The following RASAL2 variants were observed in gnomAD, a reference collection of about 807,000 sequenced individuals.
RASAL2 encodes the protein ras GTPase-activating protein nGAP.
In RASAL2, 58 loss-of-function variants were observed where a neutral mutation model predicts 128.9. The observed-to-expected ratio is 0.45, with a 90% CI of 0.36 to 0.56. The LOEUF (loss-of-function observed/expected upper bound fraction) is 0.56. RASAL2 is among the 20% of genes least tolerant of loss of function. The pLI, the probability that RASAL2 is intolerant of heterozygous loss-of-function variation, is 0.00. For synonymous variants in RASAL2, 561 were observed against 580.8 expected (o/e 0.97, Z 0.49); for missense variants, 1,360 against 1,601.6 (o/e 0.85, Z 2.57).
chr1:178,350,775 C>G (rs1185303664), intron 3 of RASAL2, among the ~76,000 whole-genome samples: 1 of 152,162 alleles, frequency 6.6e-6, no homozygotes, highest in Admixed American at 6.5e-5. Context: ...TGTCCCATTT[C>G]CATGGCCCCC....
chr1:178,344,989 T>G (rs912176151), intron 3 of RASAL2, among the ~76,000 whole-genome samples: 2 of 152,214 alleles, frequency 1.3e-5, no homozygotes, highest in Non-Finnish European at 2.9e-5. Context: ...TCAGAATACT[T>G]TCTTTGTACA....
intron 1 of RASAL2, among the ~76,000 whole-genome samples, chr1:178,234,078 T>C (rs1012763007): frequency 6.6e-6 from 1 of 152,192 alleles, no homozygotes; most frequent in Non-Finnish European, 1.5e-5. Context: ...TAGCAAGAAG[T>C]GAATGGATTT....
intron 1 of RASAL2, among the ~76,000 whole-genome samples, chr1:178,237,840 C>T (rs947367301): frequency 2.6e-5 from 4 of 152,118 alleles, no homozygotes; most frequent in African/African-American, 9.7e-5. Flanking sequence ...ATTTTATCTT[C>T]ACATACTGAA....
intron 1 of RASAL2, among the ~76,000 whole-genome samples, chr1:178,263,602 G>A (rs528872839): frequency 3.3e-5 from 5 of 152,178 alleles, no homozygotes; most frequent in Admixed American, 2.6e-4. Context: ...TCTTTCTGGT[G>A]TGTTAACTTA....
chr1:178,463,667 T>C (rs1439419057), intron 14 of RASAL2, among the ~76,000 whole-genome samples: 1 of 152,192 alleles, frequency 6.6e-6, no homozygotes, highest in African/African-American at 2.4e-5. Flanking sequence ...TGTCCTTCTT[T>C]TTCTCTAAAT....
rs545933139 is a variant in RASAL2, at chr1:178,161,161, C to T, written c.202+66467C>T. On this transcript the variant is annotated intron_variant, in intron 1 of 17. Coordinates refer to ENST00000367649, the MANE Select transcript of RASAL2 (RefSeq NM_170692.4). ...ATACAGTACTTTTTTTCTTTTAAAA[C>T]GTACAATTAAGTAGTTTTTAGTACT... 4.6e-5 allele frequency among the ~76,000 whole-genome samples: 7 copies of T among 151,080 alleles called. No homozygotes were observed. In the South Asian group the frequency reaches 8.3e-4, roughly 18 times the overall value.
At chr1:178,205,775 T>C (rs529935695) in intron 1 of RASAL2, among the ~76,000 whole-genome samples, 2 of 152,170 alleles carry the variant, frequency 1.3e-5, no homozygotes, top group African/African-American at 2.4e-5. Flanking sequence ...AAAAGACTCA[T>C]GTTCACACCT....
intron 4 of RASAL2, among the ~76,000 whole-genome samples, chr1:178,414,241 T>C (rs920985539): frequency 6.6e-6 from 1 of 152,186 alleles, no homozygotes; most frequent in African/African-American, 2.4e-5. Flanking sequence ...TGTATGACAT[T>C]CTAGAAAAGG....
rs920848922 is a variant in RASAL2 at position 178,415,012 on chromosome 1, A to G, written c.565-5499A>G. Among the ~76,000 whole-genome samples, 14 of 152,194 alleles carry G rather than the reference A, an allele frequency of 9.2e-5. No homozygotes were observed. The East Asian group carries it at 1.7e-3, about 19-fold the overall frequency. On this transcript the variant is annotated intron_variant, in intron 4 of 17. Coordinates refer to ENST00000367649, the MANE Select transcript of RASAL2 (RefSeq NM_170692.4). ...AGACTTACAAATTTTATTGATCTTC[A>G]TAAGGAACCAGCTTTTGATTTTATT... is the stretch of plus-strand genomic sequence containing the variant.
intron 1 of RASAL2, among the ~76,000 whole-genome samples, chr1:178,132,375 T>A (rs1040678304): frequency 6.6e-6 from 1 of 151,886 alleles, no homozygotes; most frequent in Admixed American, 6.6e-5. Flanking sequence ...CTTAAAAAAA[T>A]AATTTACTAC....
intron 1 of RASAL2, among the ~76,000 whole-genome samples, chr1:178,179,148 G>T (rs925714627): frequency 6.6e-6 from 1 of 152,082 alleles, no homozygotes; most frequent in Non-Finnish European, 1.5e-5. Context: ...TAGTTCTTTG[G>T]GGTAAAAGTT....
chr1:178,249,600 A>G (rs139572992), intron 1 of RASAL2, among the ~76,000 whole-genome samples: 70 of 152,104 alleles, frequency 4.6e-4, no homozygotes, highest in African/African-American at 1.7e-3. Flanking sequence ...AGGAGTTGTG[A>G]TCATTTGGAG....
chr1:178,384,837 C>A (rs1275458082), intron 3 of RASAL2, among the ~76,000 whole-genome samples: 1 of 151,658 alleles, frequency 6.6e-6, no homozygotes, highest in South Asian at 2.1e-4. Flanking sequence ...TTGTTTTTTA[C>A]GCTATGGTAA....
At chr1:178,306,668 A>T (rs1056126346) in intron 3 of RASAL2, among the ~76,000 whole-genome samples, 4 of 151,746 alleles carry the variant, frequency 2.6e-5, no homozygotes, top group African/African-American at 4.8e-5. Context: ...GCATTTTTTC[A>T]TGTGTTTTTT....
chr1:178,160,123 A>G (rs1387009885), intron 1 of RASAL2, among the ~76,000 whole-genome samples: 5 of 151,720 alleles, frequency 3.3e-5, no homozygotes, highest in Admixed American at 2.0e-4. Flanking sequence ...ATATGTATAC[A>G]TGTGTCATGT....
chr1:178,347,483 T>A (rs1201485573), intron 3 of RASAL2, among the ~76,000 whole-genome samples: 2 of 152,052 alleles, frequency 1.3e-5, no homozygotes, highest in African/African-American at 2.4e-5. Context: ...CTCCTACACA[T>A]CAGTGAGAAA....
intron 2 of RASAL2, among the ~76,000 whole-genome samples, chr1:178,293,263 A>G (rs751937462): frequency 1.4e-4 from 22 of 152,238 alleles, no homozygotes; most frequent in Non-Finnish European, 2.6e-4. Context: ...AATAAGAGAG[A>G]GAAATCCATT....
chr1:178,345,110 A>G (rs1670082258), intron 3 of RASAL2, among the ~76,000 whole-genome samples: 1 of 152,154 alleles, frequency 6.6e-6, no homozygotes, highest in Non-Finnish European at 1.5e-5. Context: ...ATTAAGCTGA[A>G]TTGGAAATAC....
At chr1:178,202,727 A>G (rs1467133802) in intron 1 of RASAL2, among the ~76,000 whole-genome samples, 1 of 152,226 alleles carries the variant, frequency 6.6e-6, no homozygotes, top group Non-Finnish European at 1.5e-5. Flanking sequence ...AGGTATTTGT[A>G]TCCCATGTGG....
Sources: gnomAD v4.1 joint callset for allele counts (sites outside exome capture counted in the v4.1 genomes callset) on GRCh38, gnomAD v4.1.1 for gene constraint, MANE v1.5 for transcripts, NCBI Gene and HGNC (gene_info 2026-07-23, HGNC 2026-07-21) for gene names.